Variants in SLC4A4 observed in about 807,000 individuals in gnomAD.
SLC4A4 encodes electrogenic sodium bicarbonate cotransporter 1.
A neutral mutation model predicts 111.5 loss-of-function variants in SLC4A4; 27 were observed. That is an observed-to-expected ratio of 0.24 (90% CI 0.18 to 0.33). SLC4A4 has a LOEUF of 0.33. Ranked by LOEUF, SLC4A4 falls within the 10% of genes least tolerant of loss-of-function variation. The probability of loss-of-function intolerance (pLI) is 1.00; values close to 1 mark genes in which losing one functional copy is unlikely to be tolerated. For missense variants in SLC4A4, 909 were observed against 1,315.5 expected (o/e 0.69, Z 4.78); for synonymous variants, 443 against 463.4 (o/e 0.96, Z 0.57).
At chr4:71,472,992 T>G (rs769836469) in intron 14 of SLC4A4, 22 bp downstream of exon 14, 1 of 1,612,470 alleles carries the variant, frequency 6.2e-7, no homozygotes, top group Non-Finnish European at 8.5e-7. Context: ...ACGCTTTGTG[T>G]TTATGCTCGC....
chr4:71,299,881 A>C (rs1020153098), intron 3 of SLC4A4, among the ~76,000 whole-genome samples: 5 of 152,170 alleles, frequency 3.3e-5, no homozygotes, highest in Admixed American at 6.5e-5. Context: ...GGGGTGACCA[A>C]AGTAGGGAAG....
rs66527038 is a variant in SLC4A4 at position 71,195,230 on chromosome 4, GTTTT to G, written c.-2+7851_-2+7854del. 1.7e-3 allele frequency among the ~76,000 whole-genome samples: 154 copies of G among 93,184 alleles called. 1 individual carries two copies. The highest frequency in any genetic ancestry group is 0.016 in the South Asian group (46 of 2,838). The allele number at this position is 93,184 out of a possible 152,430, so 61.1% of individuals were successfully genotyped here. A position where few individuals can be genotyped will look rare whatever the true frequency, so the allele number is the denominator to read the frequency against. On this transcript the variant is annotated intron_variant, in intron 1 of 25. Transcript: ENST00000264485. ...TCTTTTCCTTTTTTCCTGTATTTGA[GTTTT>G]TTTTTTTTTTTTTTTTTTTTTAAAG...
In SLC4A4 at chr4:71,287,492, A is replaced by G. The variant is rs902989063; in HGVS notation, c.253+32093A>G. ...TGTTTGGTGTTTCGTTTATGGGCTT[A>G]TTTTTCCATTACTAATACCAGCTGG... is the stretch of plus-strand genomic sequence containing the variant. On this transcript the variant is annotated intron_variant, in intron 3 of 25. Coordinates refer to ENST00000264485, the MANE Select transcript of SLC4A4 (RefSeq NM_001098484.3). 2.6e-5 allele frequency among the ~76,000 whole-genome samples: 4 copies of G among 152,102 alleles called. No individual in the cohort carries two copies. The South Asian group carries it at 8.3e-4, about 32-fold the overall frequency.
At chr4:71,236,295 A>C in intron 1 of SLC4A4, 2 of 1,023,504 alleles carry the variant, frequency 2.0e-6, no homozygotes, top group Non-Finnish European at 2.4e-6. Context: ...TAAAGGGGAG[A>C]GCCCCCAACA....
chr4:71,431,486 G>T (rs1723639092), intron 7 of SLC4A4, among the ~76,000 whole-genome samples: 1 of 152,112 alleles, frequency 6.6e-6, no homozygotes, highest in African/African-American at 2.4e-5. Flanking sequence ...GCATGGAGAA[G>T]ACCATGGAGG....
rs1286472606 is a variant in SLC4A4 at position 71,194,095 on chromosome 4, A to G, written c.-2+6694A>G. 3.3e-5 allele frequency among the ~76,000 whole-genome samples: 5 copies of G among 152,198 alleles called. No homozygotes were observed. The South Asian group carries it at 6.2e-4, about 19-fold the overall frequency. The stretch of plus-strand genomic sequence containing the variant: ...TGTAATGTTGTATTGCCCAATGACC[A>G]ATGGAGATTTGTATTTGGAAGGTAT... On this transcript the variant is annotated intron_variant, in intron 1 of 25. Coordinates refer to ENST00000264485, the MANE Select transcript of SLC4A4 (RefSeq NM_001098484.3).
chr4:71,525,671 A>G (rs963973573), intron 16 of SLC4A4, among the ~76,000 whole-genome samples: 8 of 152,134 alleles, frequency 5.3e-5, no homozygotes, highest in Admixed American at 5.2e-4. Context: ...CTCTGAAGCC[A>G]CAGGTTTGGG....
At chr4:71,551,592 A>C (rs1458738003) in intron 20 of SLC4A4, among the ~76,000 whole-genome samples, 1 of 151,944 alleles carries the variant, frequency 6.6e-6, no homozygotes, top group Non-Finnish European at 1.5e-5. Flanking sequence ...TAAATAATAG[A>C]GTCAAAATGT....
chr4:71,242,767 A>T (rs984381318), intron 2 of SLC4A4, among the ~76,000 whole-genome samples: 3 of 151,560 alleles, frequency 2.0e-5, no homozygotes, highest in African/African-American at 7.3e-5. Flanking sequence ...AATTTTATAT[A>T]ATTTTCTTTG....
chr4:71,557,868 A>G lies in SLC4A4; in HGVS notation c.2920A>G (p.Ile974Val). 1 of 1,612,376 alleles carries G rather than the reference A, an allele frequency of 6.2e-7. No individual in the cohort carries two copies. The highest frequency in any genetic ancestry group is 8.5e-7 in the Non-Finnish European group (1 of 1,179,024). ...LWILKSTVAA[I>V]IFPVMILALV... ...GATCCTCAAGTCAACGGTGGCTGCT[A>G]TCATTTTTCCAGTAATGGTAGGGAT... is the stretch of plus-strand genomic sequence containing the variant. Residue 974 changes from isoleucine (I) to valine (V), a missense_variant, in exon 22 of 26, where the codon ATC (isoleucine) becomes GTC (valine). Ile to Val is a conservative substitution (Grantham distance 29). Around this residue, in one of 7 missense-constraint regions of SLC4A4, gnomAD observed 104 missense variants for 219.5 expected, o/e 0.47. Transcript: ENST00000264485.
intron 16 of SLC4A4, among the ~76,000 whole-genome samples, chr4:71,521,905 G>A (rs56263214): frequency 0.014 from 2,129 of 152,096 alleles, 38 homozygotes; most frequent in South Asian, 0.069. Flanking sequence ...CTTACACTTC[G>A]ATTCCACTCG....
At chr4:71,547,917 A>T (rs1443007905) in intron 20 of SLC4A4, among the ~76,000 whole-genome samples, 197 bp downstream of exon 20, 1 of 151,916 alleles carries the variant, frequency 6.6e-6, no homozygotes, top group Non-Finnish European at 1.5e-5. Flanking sequence ...CCCCTCCCTT[A>T]TCCTTAGTTT....
chr4:71,410,624 G>A (rs1219533616), intron 7 of SLC4A4, among the ~76,000 whole-genome samples: 1 of 152,130 alleles, frequency 6.6e-6, no homozygotes, highest in Non-Finnish European at 1.5e-5. Context: ...TTTGGACTGT[G>A]GACTTTTGGG....
chr4:71,378,024 C>T (rs1369202220), intron 6 of SLC4A4, among the ~76,000 whole-genome samples: 3 of 152,034 alleles, frequency 2.0e-5, no homozygotes, highest in East Asian at 1.9e-4. Flanking sequence ...CATCAGATCT[C>T]GTAAGACTTA....
chr4:71,560,279 G>A (rs763660967), intron 23 of SLC4A4, 25 bp downstream of exon 23: 37 of 1,586,428 alleles, frequency 2.3e-5, no homozygotes, highest in East Asian at 6.9e-5. Context: ...AAATTCCAAA[G>A]GAAAGCTAGT....
chr4:71,184,748 C>T (rs1057277431), upstream of SLC4A4, among the ~76,000 whole-genome samples: 7 of 152,138 alleles, frequency 4.6e-5, no homozygotes, highest in Non-Finnish European at 1.0e-4. Flanking sequence ...TCATTGTTAT[C>T]ACCCGGAAAA....
intron 6 of SLC4A4, among the ~76,000 whole-genome samples, chr4:71,380,001 A>G (rs1054733971): frequency 2.0e-5 from 3 of 152,120 alleles, no homozygotes; most frequent in Admixed American, 1.3e-4. Flanking sequence ...CTAAATGGAC[A>G]CTTAACCTGA....
intron 18 of SLC4A4, among the ~76,000 whole-genome samples, chr4:71,543,082 A>G (rs959991527): frequency 6.6e-6 from 1 of 152,098 alleles, no homozygotes; most frequent in Non-Finnish European, 1.5e-5. Flanking sequence ...GTTGTGAAGG[A>G]GAAGGAGATG....
intron 23 of SLC4A4, among the ~76,000 whole-genome samples, chr4:71,561,852 G>A (rs1263951303): frequency 6.6e-6 from 1 of 151,734 alleles, no homozygotes; most frequent in Non-Finnish European, 1.5e-5. Context: ...GCAGTATTTT[G>A]TCCAAAATAA....
Sources: allele counts gnomAD v4.1 joint callset (sites outside exome capture counted in the v4.1 genomes callset), GRCh38; gene constraint gnomAD v4.1.1; regional missense constraint gnomAD v4.1.1; transcripts MANE v1.5; gene names NCBI Gene and HGNC (gene_info 2026-07-23, HGNC 2026-07-21).